DCDC1: variants seen among roughly 807,000 people sequenced by gnomAD.
DCDC1 encodes the protein doublecortin domain-containing protein 1.
A neutral mutation model predicts 178.3 loss-of-function variants in DCDC1; 200 were observed. That is an observed-to-expected ratio of 1.12 (90% confidence interval 1.00 to 1.26). The LOEUF (loss-of-function observed/expected upper bound fraction) is 1.26. Ranked by LOEUF, DCDC1 falls within the 50% of genes most tolerant of loss-of-function variation. The pLI is 0.00. For missense variants in DCDC1, 1,983 were observed against 1,749.2 expected (o/e 1.13, Z -2.38); for synonymous variants, 690 against 604.8 (o/e 1.14, Z -2.07).
chr11:30,895,413 G>C (rs1456942351), intron 34 of DCDC1, among the ~76,000 whole-genome samples: 2 of 152,170 alleles, frequency 1.3e-5, no homozygotes, highest in Non-Finnish European at 2.9e-5. Context: ...TTCTTAGAGA[G>C]AGTAACACTT....
At chr11:31,368,569 C>T (rs1233958944) in intron 1 of DCDC1, among the ~76,000 whole-genome samples, 1 of 152,316 alleles carries the variant, frequency 6.6e-6, no homozygotes, top group African/African-American at 2.4e-5. Flanking sequence ...TGTGGAGAAC[C>T]TAATCTATGC....
At chr11:30,934,295 G>T (rs1001528929) in intron 21 of DCDC1, among the ~76,000 whole-genome samples, 1 of 152,128 alleles carries the variant, frequency 6.6e-6, no homozygotes. Flanking sequence ...CTCTGGTTTT[G>T]GTGGCCATGT....
intron 20 of DCDC1, among the ~76,000 whole-genome samples, chr11:31,051,655 A>G (rs959519657): frequency 1.5e-4 from 23 of 152,208 alleles, no homozygotes; most frequent in African/African-American, 5.1e-4. Flanking sequence ...ACTAGAAGGG[A>G]TTGGGGACCT....
At chr11:30,942,334 A>C (rs1355024817) in intron 21 of DCDC1, among the ~76,000 whole-genome samples, 1 of 152,188 alleles carries the variant, frequency 6.6e-6, no homozygotes, top group Admixed American at 6.6e-5. Flanking sequence ...ATATTGAACA[A>C]TTTAGTTGAT....
At chr11:31,225,358 T>C (rs1974787002) in intron 9 of DCDC1, among the ~76,000 whole-genome samples, 1 of 132,404 alleles carries the variant, frequency 7.6e-6, no homozygotes, top group African/African-American at 2.9e-5. Context: ...TAATGGACTT[T>C]GGGGACATGG....
intron 9 of DCDC1, among the ~76,000 whole-genome samples, chr11:31,139,061 T>C (rs1212445446): frequency 6.6e-6 from 1 of 152,082 alleles, no homozygotes; most frequent in Admixed American, 6.6e-5. Flanking sequence ...TCTGTTGCAA[T>C]TACTTGACTC....
At chr11:31,317,572 T>A (rs1045775486) in intron 3 of DCDC1, among the ~76,000 whole-genome samples, 1 of 58,848 alleles carries the variant, frequency 1.7e-5, no homozygotes, top group East Asian at 2.7e-4. Flanking sequence ...ACGATGGGGT[T>A]TTCTAGATAA....
Position 31,306,311 on chromosome 11 carries a change from G to T in DCDC1, c.512C>A (p.Pro171Gln). The T allele has an allele frequency of 6.2e-7, 1 of 1,611,178 alleles. No individual in the cohort carries two copies. Among genetic ancestry groups the T allele is most frequent in the Non-Finnish European group, 8.5e-7 (1 of 1,178,566 alleles). ...QKLSQRHKLQ[P>Q]RVIKVTAYKN... The stretch of plus-strand genomic sequence containing the variant: ...GTAAGCTGTTACTTTAATCACTCTT[G>T]GTTGAAGTTTGTGTCTTTGAGACAA... The change falls in exon 5 of 39, where the codon CCA (proline) becomes CAA (glutamine). Residue 171 changes from proline to glutamine, a missense_variant. Pro to Gln is a moderately conservative substitution (Grantham distance 76). Transcript: ENST00000684477.
At chr11:31,264,272 C>G (rs1176870280) in intron 8 of DCDC1, among the ~76,000 whole-genome samples, 1 of 152,120 alleles carries the variant, frequency 6.6e-6, no homozygotes, top group African/African-American at 2.4e-5. Context: ...TTCAAAAATC[C>G]AAGTACTATT....
At chr11:31,207,657 C>T (rs1483613395) in intron 9 of DCDC1, among the ~76,000 whole-genome samples, 1 of 152,142 alleles carries the variant, frequency 6.6e-6, no homozygotes, top group Admixed American at 6.6e-5. Context: ...AGCATGCAAA[C>T]ATGCCTTAAT....
rs532036569 is a variant in DCDC1 at position 31,037,979 on chromosome 11, A to G, written c.2591+26490T>C. On this transcript the variant is annotated intron_variant, in intron 20 of 38. Transcript: ENST00000684477. Reference sequence around the variant, plus strand: ...TCAATTCCCACCTATGAGTGAGAACATGCGGTGTTTGGTTTTTTGTCCTTG... The same window carrying G: ...TCAATTCCCACCTATGAGTGAGAACGTGCGGTGTTTGGTTTTTTGTCCTTG... Among the ~76,000 whole-genome samples the G allele has an allele frequency of 2.0e-4, 29 of 145,010 alleles. 1 individual carries two copies. In the Admixed American group the frequency reaches 2.0e-3, roughly 10 times the overall value.
chr11:31,087,669 T>C (rs1160784477), intron 17 of DCDC1, among the ~76,000 whole-genome samples: 2 of 152,154 alleles, frequency 1.3e-5, no homozygotes, highest in African/African-American at 4.8e-5. Flanking sequence ...TTAGTTTAAC[T>C]CCATTATCAT....
chr11:31,142,735 G>T (rs1963981032), intron 9 of DCDC1, among the ~76,000 whole-genome samples: 1 of 151,956 alleles, frequency 6.6e-6, no homozygotes, highest in Admixed American at 6.6e-5. Flanking sequence ...CTTAATAATT[G>T]TTAAATACCT....
chr11:31,083,260 T>TCCATGTAAGTC (rs1291430349), intron 17 of DCDC1, among the ~76,000 whole-genome samples: 1 of 152,216 alleles, frequency 6.6e-6, no homozygotes, highest in African/African-American at 2.4e-5. Context: ...TGGACAGGGT[T>TCCATGTAAGTC]CCATGTAAGT....
chr11:31,171,998 C>T (rs2136226192), intron 9 of DCDC1, among the ~76,000 whole-genome samples: 1 of 152,014 alleles, frequency 6.6e-6, no homozygotes, highest in Admixed American at 6.5e-5. Flanking sequence ...GCATATTTTA[C>T]TTTATATAAT....
At chr11:30,878,370 G>A (rs1395052375) in intron 38 of DCDC1, among the ~76,000 whole-genome samples, 174 bp downstream of exon 38, 2 of 151,950 alleles carry the variant, frequency 1.3e-5, no homozygotes, top group Admixed American at 6.6e-5. Flanking sequence ...GGAGGATCAC[G>A]TGAGCCCCGG....
At chr11:30,936,968 T>C (rs1168246788) in intron 21 of DCDC1, among the ~76,000 whole-genome samples, 19 of 152,166 alleles carry the variant, frequency 1.2e-4, no homozygotes, top group Non-Finnish European at 2.9e-5. Context: ...AAGGGTGTGA[T>C]TTTTAACCCT....
At chr11:31,091,612 C>T in intron 16 of DCDC1, 101 bp from the exon 17 acceptor site, 1 of 645,130 alleles carries the variant, frequency 1.6e-6, no homozygotes, top group Admixed American at 2.4e-5. Context: ...GCCTGGATAA[C>T]CCTGGATATT....
At chr11:30,975,465 T>C (rs932835420) in intron 20 of DCDC1, among the ~76,000 whole-genome samples, 3 of 151,380 alleles carry the variant, frequency 2.0e-5, no homozygotes, top group Non-Finnish European at 4.4e-5. Flanking sequence ...CTTATAGCTA[T>C]AAAAAAAACA....
Sources: allele counts gnomAD v4.1 joint callset (sites outside exome capture counted in the v4.1 genomes callset), GRCh38; gene constraint gnomAD v4.1.1; transcripts MANE v1.5; gene names NCBI Gene and HGNC (gene_info 2026-07-23, HGNC 2026-07-21).